Variants in KIF23 observed in about 807,000 individuals in gnomAD.
The protein encoded by KIF23 is kinesin-like protein KIF23.
KIF23 carries 30 observed loss-of-function variants against 137.5 expected under a neutral mutation model. The observed-to-expected ratio is 0.22, with a 90% confidence interval of 0.16 to 0.30. KIF23 has a LOEUF of 0.30. Among genes scored for constraint, KIF23 ranks in the 10% least tolerant of loss-of-function variants. The pLI, the probability that KIF23 is intolerant of heterozygous loss-of-function variation, is 1.00. For missense variants in KIF23, 920 were observed against 1,194.3 expected (o/e 0.77, Z 3.38); for synonymous variants, 367 against 391.1 (o/e 0.94, Z 0.73).
rs2057701290 is a variant in KIF23, at chr15:69,444,520, C to T, written c.2422-270C>T. ...TGAGTTGTTTGTCCTGAACCACCCC[C>T]AAGCAGGAAAGACTTGCAGCATTAC... is the stretch of plus-strand genomic sequence containing the variant. On this transcript the variant is annotated intron_variant, in intron 19 of 23. Transcript: ENST00000679126. The surrounding 1 kb of genome is among the most constrained non-coding windows in gnomAD (Gnocchi z 4.2). 2 of 393,776 alleles carry T rather than the reference C, an allele frequency of 5.1e-6. No individual in the cohort carries two copies. Among genetic ancestry groups the T allele is most frequent in the Admixed American group, 4.3e-5 (1 of 23,322 alleles). The allele number at this position is 393,776 out of a possible 1,614,324, so 24.4% of individuals were successfully genotyped here. A position where few individuals can be genotyped will look rare whatever the true frequency, so the allele number is the denominator to read the frequency against.
intron 11 of KIF23, among the ~76,000 whole-genome samples, chr15:69,429,562 G>T (rs936583167): frequency 3.9e-5 from 6 of 151,972 alleles, no homozygotes; most frequent in Non-Finnish European, 8.8e-5. Flanking sequence ...CACCTTGGCC[G>T]CCCCAAAGTC....
At position 69,435,736 on chromosome 15, in the gene KIF23, G is replaced by A. The variant is rs1354552199; in HGVS notation, c.1279G>A (p.Val427Met). ...AGGAAAAGTGCGGATGATCGTGTGT[G>A]TGAACCCCAAGGCTGAAGATTATGA... ...GEGKVRMIVC[V>M]NPKAEDYEEN... The change falls in exon 13 of 24, where the codon GTG becomes ATG. Residue 427 changes from valine (V) to methionine (M), a missense_variant. Val to Met is a conservative substitution (Grantham distance 21). Transcript: ENST00000679126. 1 of 1,614,102 alleles carries A rather than the reference G, an allele frequency of 6.2e-7. No individual in the cohort carries two copies. The highest frequency in any genetic ancestry group is 8.5e-7 in the Non-Finnish European group (1 of 1,180,046).
chr15:69,433,823 A>C (rs570432877), intron 11 of KIF23, among the ~76,000 whole-genome samples: 41 of 152,338 alleles, frequency 2.7e-4, no homozygotes, highest in Non-Finnish European at 4.4e-4. Flanking sequence ...TCCTGAACTC[A>C]GAATCGATGG....
intron 3 of KIF23, among the ~76,000 whole-genome samples, chr15:69,420,786 GTTGTTTTTACTTT>G (rs2057034056): frequency 6.6e-6 from 1 of 151,884 alleles, no homozygotes; most frequent in Admixed American, 6.6e-5. Context: ...AGGTTTTTTT[GTTGTTTTTACTTT>G]TAAAATTTTT....
At chr15:69,439,223 A>G (rs530137066) in intron 16 of KIF23, among the ~76,000 whole-genome samples, 213 of 152,166 alleles carry the variant, frequency 1.4e-3, no homozygotes, top group African/African-American at 5.0e-3. Context: ...GTTGAAAAGG[A>G]TGTTCTCTGA....
chr15:69,421,261 G>T (rs1178814896), intron 3 of KIF23, among the ~76,000 whole-genome samples: 16 of 152,124 alleles, frequency 1.1e-4, no homozygotes. Flanking sequence ...GGTGGCACGT[G>T]CCTGTAATTC....
At chr15:69,429,270 G>C (rs1157666527) in intron 11 of KIF23, 57 bp downstream of exon 11, 1 of 1,164,248 alleles carries the variant, frequency 8.6e-7, no homozygotes, top group African/African-American at 1.6e-5. Context: ...TGCAATGCCA[G>C]TTTATTATCT....
chr15:69,420,176 A>G (rs1251999498), intron 3 of KIF23, among the ~76,000 whole-genome samples: 3 of 152,024 alleles, frequency 2.0e-5, no homozygotes, highest in Admixed American at 1.3e-4. Context: ...AGGCAGGAGT[A>G]TTGCTTGAAC....
intron 10 of KIF23, chr15:69,427,443 C>T: frequency 2.2e-6 from 1 of 455,816 alleles, no homozygotes; most frequent in Non-Finnish European, 4.4e-6. Context: ...TTTAAAAATC[C>T]CTTTGGTAGA....
At chr15:69,440,272 G>T in intron 17 of KIF23, 36 bp from the exon 18 acceptor site, 1 of 1,583,936 alleles carries the variant, frequency 6.3e-7, no homozygotes, top group South Asian at 1.2e-5. Flanking sequence ...TTGCTGTGAT[G>T]GAATGATAAT....
At position 69,426,066 on chromosome 15, in the gene KIF23, A is replaced by T; in HGVS notation, c.777-4A>T. On this transcript the variant is annotated splice_region_variant and splice_polypyrimidine_tract_variant and intron_variant, in intron 8 of 23. Transcript: ENST00000679126. Reference sequence around the variant, plus strand: ...GAGACTAATCTTTTTTTTCTTTCCCATAGACCTCCACAATCTAAATTGCTT... The same window carrying T: ...GAGACTAATCTTTTTTTTCTTTCCCTTAGACCTCCACAATCTAAATTGCTT... 6.4e-7 allele frequency: 1 copy of T among 1,558,482 alleles called. No homozygotes were observed. The highest frequency in any genetic ancestry group is 8.6e-7 in the Non-Finnish European group (1 of 1,160,450).
At position 69,440,916 on chromosome 15, in the gene KIF23, C is replaced by T. The variant is rs1313319871; in HGVS notation, c.2258C>T (p.Pro753Leu). 1.9e-6 allele frequency: 3 copies of T among 1,614,158 alleles called. No individual in the cohort carries two copies. In the South Asian group the frequency reaches 3.3e-5, roughly 18 times the overall value. Residue 753 changes from proline to leucine, a missense_variant, in exon 19 of 24, where the codon CCT becomes CTT. By Grantham distance (98) the Pro-to-Leu change is moderately conservative (BLOSUM62 -3). This residue lies in a region of KIF23 where 714 missense variants were observed against 866.2 expected (regional missense o/e 0.82). Coordinates refer to ENST00000679126, the MANE Select transcript of KIF23 (RefSeq NM_001367805.3). ...CAGAAAATTCCTACGTACAACACAC[C>T]TCTCAAAGTCACATCTATTGCAAGG... is the stretch of plus-strand genomic sequence containing the variant. ...WEQKIPTYNT[P>L]LKVTSIARRR...
chr15:69,435,094 C>T (rs972110224), intron 11 of KIF23: 7 of 488,418 alleles, frequency 1.4e-5, no homozygotes, highest in South Asian at 3.9e-5. Flanking sequence ...AGAAGCGGGA[C>T]GGTGGCCTGG....
chr15:69,434,891 C>T (rs1175028634), intron 11 of KIF23: 14 of 720,566 alleles, frequency 1.9e-5, no homozygotes, highest in Non-Finnish European at 3.4e-5. Flanking sequence ...CATGCTTGCC[C>T]ATCACCATGC....
Position 69,438,347 on chromosome 15 carries a change from C to A in KIF23, c.1697C>A (p.Ser566Ter). Reference sequence around the variant, plus strand: ...CTAAATGAAAAGGAGAAGATGATCTCAGGACAGAAATTGGAAATAGAACGA... The same window carrying A: ...CTAAATGAAAAGGAGAAGATGATCTAAGGACAGAAATTGGAAATAGAACGA... The part of the protein sequence containing the change: ...GKLNEKEKMI[S>*]GQKLEIERLE... The change falls in exon 16 of 24, where the codon TCA becomes TAA. Residue 566 changes from serine to a stop codon, truncating the protein, a stop_gained. Transcript: ENST00000679126. LOFTEE classifies it high-confidence loss of function. The A allele has an allele frequency of 1.9e-6, 3 of 1,612,770 alleles. No homozygotes were observed. Among genetic ancestry groups the A allele is most frequent in the South Asian group, 1.1e-5 (1 of 90,788 alleles).
intron 3 of KIF23, among the ~76,000 whole-genome samples, chr15:69,418,102 G>A (rs761443317): frequency 3.9e-5 from 6 of 152,176 alleles, no homozygotes; most frequent in Non-Finnish European, 5.9e-5. Flanking sequence ...TGAGGGGACC[G>A]TGGGAATGCA....
chr15:69,425,990 T>C, intron 8 of KIF23, 80 bp from the exon 9 acceptor site: 1 of 506,100 alleles, frequency 2.0e-6, no homozygotes, highest in Non-Finnish European at 3.2e-6. Flanking sequence ...TCATGTCACT[T>C]GGCGTTTTAG....
chr15:69,419,117 CA>C (rs1170560067), intron 3 of KIF23, among the ~76,000 whole-genome samples: 2 of 151,624 alleles, frequency 1.3e-5, no homozygotes, highest in Non-Finnish European at 1.5e-5. Context: ...AACTCCATCT[CA>C]AAAAACAAAC....
chr15:69,447,092 A>C lies in KIF23; in HGVS notation c.2909+151A>C, dbSNP rs371139448. ...TTGGACTATCTGGGCCTCCATGGGC[A>C]GACTGCAGTAGGCAGCTGGAATGCT... On this transcript the variant is annotated intron_variant, in intron 23 of 23. Transcript: ENST00000679126. 39 of 700,988 alleles carry C rather than the reference A, an allele frequency of 5.6e-5. No individual in the cohort carries two copies. In the African/African-American group the frequency reaches 6.3e-4, roughly 11 times the overall value. The allele number at this position is 700,988 out of a possible 1,614,324, so 43.4% of individuals were successfully genotyped here.
Sources: allele counts gnomAD v4.1 joint callset (sites outside exome capture counted in the v4.1 genomes callset), GRCh38; gene constraint gnomAD v4.1.1; regional missense constraint gnomAD v4.1.1; non-coding constraint Gnocchi (gnomAD v3.1); transcripts MANE v1.5; gene names NCBI Gene and HGNC (gene_info 2026-07-23, HGNC 2026-07-21).